The following SLC30A5 variants were observed in gnomAD, a reference collection of about 807,000 sequenced individuals.
SLC30A5 encodes solute carrier family 30 member 5.
SLC30A5 carries 33 observed loss-of-function variants against 79.6 expected under a neutral mutation model. That is an observed-to-expected ratio of 0.41 (90% CI 0.31 to 0.55). The LOEUF is 0.55. Ranked by LOEUF, SLC30A5 falls within the 20% of genes least tolerant of loss-of-function variation. SLC30A5 has a pLI of 0.20. For synonymous variants in SLC30A5, 299 were observed against 319.7 expected, an observed-to-expected ratio of 0.94 and a Z score of 0.69; for missense variants, 788 against 928.1, an observed-to-expected ratio of 0.85 and a Z score of 1.96.
At chr5:69,123,495 A>G in intron 14 of SLC30A5, 70 bp downstream of exon 14, 1 of 1,175,168 alleles carries the variant, frequency 8.5e-7, no homozygotes, top group Non-Finnish European at 1.2e-6. Context: ...GCTGGAAGTA[A>G]AACAGACAAC....
chr5:69,115,908 C>G lies in SLC30A5; in HGVS notation c.784-18C>G. ...TTATACATGTATAGTCTTGACAATT[C>G]TTTTTTTTAATTTCTAGAGTAAAGT... On this transcript the variant is annotated intron_variant, in intron 8 of 15. Transcript: ENST00000396591. 16 of 1,579,036 alleles carry G rather than the reference C, an allele frequency of 1.0e-5. No homozygotes were observed. Among genetic ancestry groups the G allele is most frequent in the Non-Finnish European group, 1.3e-5 (15 of 1,161,672 alleles).
chr5:69,128,587 A>G (rs1266860064), intron 15 of SLC30A5, among the ~76,000 whole-genome samples: 1 of 152,150 alleles, frequency 6.6e-6, no homozygotes, highest in South Asian at 2.1e-4. Flanking sequence ...TAACGGTAAT[A>G]TAGCTTACTT....
At chr5:69,100,615 A>T (rs1268130782) in intron 1 of SLC30A5, among the ~76,000 whole-genome samples, 192 bp from the exon 2 acceptor site, 20 of 34,802 alleles carry the variant, frequency 5.7e-4, no homozygotes, top group East Asian at 1.9e-3. Context: ...TATGAGTTAA[A>T]AAAAAAAAAA....
chr5:69,100,937 TGGG>T lies in SLC30A5; in HGVS notation c.206+15_206+17del. 1 of 1,414,860 alleles carries T rather than the reference TGGG, an allele frequency of 7.1e-7. No individual in the cohort carries two copies. Among genetic ancestry groups the T allele is most frequent in the South Asian group, 1.4e-5 (1 of 72,708 alleles). 87.6% of individuals were successfully genotyped at this position (1,414,860 alleles called of 1,614,324 possible). On this transcript the variant is annotated intron_variant, in intron 2 of 15. Transcript: ENST00000396591. Reference sequence around the variant, plus strand: ...TTTTATATTAAAACTTGGGTGAGTGTGGGGGGGGGTTTTTTCTTGATATTTTTT... The same window carrying T: ...TTTTATATTAAAACTTGGGTGAGTGTGGGGGGTTTTTTCTTGATATTTTTT...
chr5:69,122,751 T>A (rs1746570805), intron 13 of SLC30A5, among the ~76,000 whole-genome samples: 1 of 152,224 alleles, frequency 6.6e-6, no homozygotes, highest in Non-Finnish European at 1.5e-5. Flanking sequence ...GAATAGATAT[T>A]AGTTGCAAGG....
At chr5:69,099,406 A>C (rs1745841221) in intron 1 of SLC30A5, among the ~76,000 whole-genome samples, 1 of 152,222 alleles carries the variant, frequency 6.6e-6, no homozygotes, top group Admixed American at 6.5e-5. Flanking sequence ...TTTCCTAAAA[A>C]CATGGACATT....
At chr5:69,097,098 CCTCT>C (rs1435359660) in intron 1 of SLC30A5, among the ~76,000 whole-genome samples, 9 of 148,940 alleles carry the variant, frequency 6.0e-5, no homozygotes, top group South Asian at 2.1e-4. Context: ...TTCTTCCCTT[CCTCT>C]CTTTTTCTTT....
At chr5:69,121,537 T>G (rs1430420663) in intron 12 of SLC30A5, among the ~76,000 whole-genome samples, 157 bp from the exon 13 acceptor site, 1 of 152,200 alleles carries the variant, frequency 6.6e-6, no homozygotes, top group East Asian at 1.9e-4. Flanking sequence ...AAATTCACAT[T>G]TTTAAAATTT....
rs1025776310 is a variant in SLC30A5 at position 69,116,937 on chromosome 5, A to G, written c.1282-302A>G. Among the ~76,000 whole-genome samples, 1 of 152,224 alleles carries G rather than the reference A, an allele frequency of 6.6e-6. No homozygotes were observed. The highest frequency in any genetic ancestry group is 1.5e-5 in the Non-Finnish European group (1 of 68,042). Reference sequence around the variant, plus strand: ...TCACTATTAGCAATCAGTGTTATAAATCACCTATTGCTAACATTTTATAAC... The same window carrying G: ...TCACTATTAGCAATCAGTGTTATAAGTCACCTATTGCTAACATTTTATAAC... On this transcript the variant is annotated intron_variant, in intron 10 of 15. Transcript: ENST00000396591. This position sits in a 1 kb window ranked among gnomAD's most constrained non-coding sequence, Gnocchi z 4.0.
intron 3 of SLC30A5, among the ~76,000 whole-genome samples, chr5:69,103,682 C>A (rs1281651023): frequency 6.6e-6 from 1 of 152,182 alleles, no homozygotes. Context: ...ATCATTGTGA[C>A]AATGTGACAC....
At chr5:69,110,167 G>A (rs1239237838) in intron 5 of SLC30A5, among the ~76,000 whole-genome samples, 2 of 152,118 alleles carry the variant, frequency 1.3e-5, no homozygotes, top group African/African-American at 4.8e-5. Context: ...CTTCTGATAA[G>A]AGAATCTGGC....
rs1285333180 is a variant in SLC30A5, at chr5:69,123,394, A to G, written c.1967A>G (p.Tyr656Cys). The change falls in exon 14 of 16, where the codon TAT (tyrosine) becomes TGT (cysteine). Residue 656 changes from tyrosine (Y) to cysteine (C), a missense_variant. By Grantham distance (194) the Tyr-to-Cys change is radical. Around this residue, in one of 3 missense-constraint regions of SLC30A5, gnomAD observed 158 missense variants for 156.2 expected, o/e 1.01. Coordinates refer to ENST00000396591, the MANE Select transcript of SLC30A5 (RefSeq NM_022902.5). ...QVLLLRLPPE[Y>C]EKELHIALEK... Reference sequence around the variant, plus strand: ...CTACTCCTGAGATTGCCACCAGAATATGAAAAAGAACTACATATTGCTTTA... The same window carrying G: ...CTACTCCTGAGATTGCCACCAGAATGTGAAAAAGAACTACATATTGCTTTA... 2.5e-6 allele frequency: 4 copies of G among 1,613,942 alleles called. No individual in the cohort carries two copies. The highest frequency in any genetic ancestry group is 3.4e-6 in the Non-Finnish European group (4 of 1,179,866).
intron 11 of SLC30A5, 63 bp from the exon 12 acceptor site, chr5:69,118,436 T>C: frequency 7.0e-7 from 1 of 1,436,716 alleles, no homozygotes; most frequent in Non-Finnish European, 9.4e-7. Context: ...TCCTCATTTA[T>C]AAAGTTTATA....
intron 13 of SLC30A5, among the ~76,000 whole-genome samples, chr5:69,122,254 G>A (rs954867588): frequency 1.1e-4 from 17 of 152,004 alleles, no homozygotes; most frequent in African/African-American, 3.4e-4. Flanking sequence ...AAAATTAGCC[G>A]GACATGGTGG....
At chr5:69,120,737 C>T (rs1161243783) in intron 12 of SLC30A5, among the ~76,000 whole-genome samples, 5 of 151,938 alleles carry the variant, frequency 3.3e-5, no homozygotes, top group Non-Finnish European at 4.4e-5. Flanking sequence ...AGTAAATAAC[C>T]TCCCTACACA....
intron 14 of SLC30A5, among the ~76,000 whole-genome samples, chr5:69,126,786 AAAC>A (rs759760823): frequency 0.013 from 2,018 of 150,660 alleles, 33 homozygotes; most frequent in African/African-American, 0.045. Flanking sequence ...ACAAACAAAC[AAAC>A]AACAACAACA....
intron 5 of SLC30A5, among the ~76,000 whole-genome samples, chr5:69,111,816 T>C (rs1036894040): frequency 2.0e-5 from 3 of 152,178 alleles, no homozygotes; most frequent in African/African-American, 7.2e-5. Context: ...AATTTATCCA[T>C]TATAGTGGTA....
At chr5:69,108,895 T>C (rs187654683) in intron 5 of SLC30A5, among the ~76,000 whole-genome samples, 23 of 152,290 alleles carry the variant, frequency 1.5e-4, no homozygotes, top group South Asian at 1.0e-3. Flanking sequence ...TTTTTTGTTT[T>C]TGAAGAATTC....
Position 69,118,496 on chromosome 5 carries a change from T to C in SLC30A5, c.1440-3T>C, listed in dbSNP as rs936866034. The C allele has an allele frequency of 1.0e-5, 16 of 1,594,496 alleles. No individual in the cohort carries two copies. Among genetic ancestry groups the C allele is most frequent in the African/African-American group, 2.7e-5 (2 of 74,038 alleles). On this transcript the variant is annotated splice_region_variant and splice_polypyrimidine_tract_variant and intron_variant, in intron 11 of 15. Coordinates refer to ENST00000396591, the MANE Select transcript of SLC30A5 (RefSeq NM_022902.5). Reference sequence around the variant, plus strand: ...TTTTCTGAAAAATGTTCTATGTTTTTAGGTACGGCCGAATAGAAATTCTGT... The same window carrying C: ...TTTTCTGAAAAATGTTCTATGTTTTCAGGTACGGCCGAATAGAAATTCTGT...
Sources: gnomAD v4.1 joint callset for allele counts (sites outside exome capture counted in the v4.1 genomes callset) on GRCh38, gnomAD v4.1.1 for gene constraint, gnomAD v4.1.1 regional missense constraint, Gnocchi (gnomAD v3.1) non-coding constraint, MANE v1.5 for transcripts, NCBI Gene and HGNC (gene_info 2026-07-23, HGNC 2026-07-21) for gene names.